Variants in PIK3C3 observed in about 807,000 individuals in gnomAD.
PIK3C3 encodes PI3-kinase type 3.
In PIK3C3, 95 loss-of-function variants were observed where a neutral mutation model predicts 126.1. The observed-to-expected ratio is 0.75, with a 90% CI of 0.64 to 0.89. The LOEUF (loss-of-function observed/expected upper bound fraction) is 0.89, where lower values mean the gene tolerates loss of function less well. Ranked by LOEUF, PIK3C3 falls within the 40% of genes least tolerant of loss-of-function variation. The probability of loss-of-function intolerance (pLI) is 0.00; values close to 1 mark genes in which losing one functional copy is unlikely to be tolerated. For synonymous variants in PIK3C3, 374 were observed against 360.0 expected, an observed-to-expected ratio of 1.04 and a Z score of -0.44; for missense variants, 829 against 1,063.2, an observed-to-expected ratio of 0.78 and a Z score of 3.06.
rs1568106727 is a variant in PIK3C3, at chr18:41,955,265, G to C, written c.-27G>C. 1 of 1,600,420 alleles carries C rather than the reference G, an allele frequency of 6.2e-7. No homozygotes were observed. On this transcript the variant is annotated 5_prime_UTR_variant, in exon 1 of 25. Transcript: ENST00000262039. ...TTTTTCCTGTACCTAAGTTCCCGCT[G>C]TAGGTGGTACCTTTGCAGACGGTGC...
intron 22 of PIK3C3, among the ~76,000 whole-genome samples, chr18:42,060,315 A>C (rs1052151213): frequency 6.6e-6 from 1 of 152,194 alleles, no homozygotes; most frequent in African/African-American, 2.4e-5. Flanking sequence ...ATTTGAACTT[A>C]GTTATAAATG....
chr18:42,027,614 T>C (rs1983630168), intron 14 of PIK3C3, 66 bp downstream of exon 14: 1 of 816,344 alleles, frequency 1.2e-6, no homozygotes, highest in Non-Finnish European at 2.1e-6. Flanking sequence ...GTTGCCTGTT[T>C]AGGAACATCC....
At chr18:42,036,231 C>T (rs1984042643) in intron 16 of PIK3C3, among the ~76,000 whole-genome samples, 1 of 151,978 alleles carries the variant, frequency 6.6e-6, no homozygotes, top group Admixed American at 6.6e-5. Context: ...TGTTTTCCCC[C>T]AGCATTTTAT....
At chr18:42,063,170 ATTTTCCTG>A (rs2144514163) in intron 22 of PIK3C3, among the ~76,000 whole-genome samples, 1 of 151,850 alleles carries the variant, frequency 6.6e-6, no homozygotes, top group African/African-American at 2.4e-5. Flanking sequence ...TCATTTTCCC[ATTTTCCTG>A]TTGTTTTTTT....
chr18:42,004,025 G>A (rs577040207), intron 9 of PIK3C3, among the ~76,000 whole-genome samples: 3 of 152,240 alleles, frequency 2.0e-5, no homozygotes, highest in South Asian at 4.1e-4. Flanking sequence ...CTTAGAGTTC[G>A]TGAGAAATGC....
intron 3 of PIK3C3, among the ~76,000 whole-genome samples, chr18:41,965,104 A>G (rs1447318217): frequency 1.3e-5 from 2 of 152,120 alleles, no homozygotes; most frequent in Non-Finnish European, 1.5e-5. Flanking sequence ...ATTTTTTGTT[A>G]CTAGGGAGGG....
At chr18:42,042,276 C>T (rs1984356489) in intron 19 of PIK3C3, among the ~76,000 whole-genome samples, 1 of 152,156 alleles carries the variant, frequency 6.6e-6, no homozygotes, top group African/African-American at 2.4e-5. Flanking sequence ...ACTGTGTCTT[C>T]ATAGGACAGA....
chr18:41,960,854 G>T (rs980362510), intron 2 of PIK3C3, among the ~76,000 whole-genome samples: 1 of 151,664 alleles, frequency 6.6e-6, no homozygotes, highest in Admixed American at 6.6e-5. Context: ...GCAATCTCCT[G>T]CCTCAGCCTC....
intron 9 of PIK3C3, among the ~76,000 whole-genome samples, chr18:41,997,671 C>A (rs1982092969): frequency 1.3e-5 from 2 of 152,042 alleles, no homozygotes; most frequent in Non-Finnish European, 2.9e-5. Flanking sequence ...ACCAGGAATT[C>A]TTTAAATCCC....
intron 4 of PIK3C3, among the ~76,000 whole-genome samples, chr18:41,987,287 C>G (rs1473978787): frequency 6.6e-6 from 1 of 151,992 alleles, no homozygotes; most frequent in African/African-American, 2.4e-5. Context: ...CTACCAACTG[C>G]TATTCTAGAA....
chr18:42,058,088 A>C, intron 22 of PIK3C3, 37 bp downstream of exon 22: 2 of 1,496,020 alleles, frequency 1.3e-6, no homozygotes, highest in Non-Finnish European at 1.8e-6. Flanking sequence ...ATTTGGGTAA[A>C]TTTATTTTAT....
At chr18:42,017,269 A>C (rs1437652932) in intron 12 of PIK3C3, among the ~76,000 whole-genome samples, 1 of 152,090 alleles carries the variant, frequency 6.6e-6, no homozygotes, top group African/African-American at 2.4e-5. Context: ...TTGACACCTG[A>C]GCAGTATCTT....
Position 42,064,824 on chromosome 18 carries a change from G to GA in PIK3C3, c.2522dup (p.Val842GlyfsTer4). The GA allele has an allele frequency of 6.4e-7, 1 of 1,556,094 alleles. No individual in the cohort carries two copies. The highest frequency in any genetic ancestry group is 8.9e-7 in the Non-Finnish European group (1 of 1,128,414). On this transcript the variant is annotated frameshift_variant, in exon 23 of 25. Transcript: ENST00000262039. LOFTEE classifies it high-confidence loss of function. ...TTGCACTTGAACCAGATAAAACTGTGAAAAAGGTAATTTTTAAGTAACATA... is the reference window on the plus strand; with the variant it reads ...TTGCACTTGAACCAGATAAAACTGTGAAAAAAGGTAATTTTTAAGTAACATA...
chr18:42,037,701 A>C lies in PIK3C3; in HGVS notation c.1849A>C (p.Met617Leu). 6.2e-7 allele frequency: 1 copy of C among 1,609,776 alleles called. No individual in the cohort carries two copies. The highest frequency in any genetic ancestry group is 8.5e-7 in the Non-Finnish European group (1 of 1,177,058). Residue 617 changes from methionine to leucine, a missense_variant, in exon 17 of 25, where the codon ATG becomes CTG. Transcript: ENST00000262039. ...ETATLFKSALMPAQLFFKTED... is the reference protein window; with the variant it reads ...ETATLFKSALLPAQLFFKTED... ...TATTTTTATTTTCCAGAGTGCCCTT[A>C]TGCCTGCACAGTTGTTTTTTAAGAC...
At position 42,078,409 on chromosome 18, in the gene PIK3C3, A is replaced by T. The variant is rs1013390101; in HGVS notation, c.2650-2714A>T. Among the ~76,000 whole-genome samples, 37 of 138,908 alleles carry T rather than the reference A, an allele frequency of 2.7e-4. 1 individual carries two copies. The highest frequency in any genetic ancestry group is 8.6e-4 in the East Asian group (4 of 4,640). The allele number at this position is 138,908 out of a possible 152,430, so 91.1% of individuals were successfully genotyped here. A position where few individuals can be genotyped will look rare whatever the true frequency, so the allele number is the denominator to read the frequency against. On this transcript the variant is annotated intron_variant, in intron 24 of 24. Transcript: ENST00000262039. ...AAAAAAAAAAAAAAAAAAAAAAAAAATTTTCAGTAAACCATATTATAAACA... is the reference window on the plus strand; with the variant it reads ...AAAAAAAAAAAAAAAAAAAAAAAAATTTTTCAGTAAACCATATTATAAACA...
chr18:41,971,560 C>T (rs551826362), intron 4 of PIK3C3: 1 of 151,916 alleles, frequency 6.6e-6, no homozygotes, highest in Admixed American at 6.6e-5. Flanking sequence ...ATTTTGTTTG[C>T]ATTCTGACGT....
At chr18:41,976,874 G>A (rs1221211041) in intron 4 of PIK3C3, among the ~76,000 whole-genome samples, 4 of 152,128 alleles carry the variant, frequency 2.6e-5, no homozygotes, top group African/African-American at 7.2e-5. Flanking sequence ...TTTATTTATG[G>A]TTACATATTT....
At chr18:42,063,529 G>T (rs941032016) in intron 22 of PIK3C3, among the ~76,000 whole-genome samples, 8 of 152,104 alleles carry the variant, frequency 5.3e-5, no homozygotes, top group Non-Finnish European at 1.2e-4. Flanking sequence ...GTTTAAGTGG[G>T]TTAGGGCCTG....
intron 7 of PIK3C3, among the ~76,000 whole-genome samples, chr18:41,994,459 A>G (rs664338): frequency 0.49 from 74,447 of 151,948 alleles, 19,808 homozygotes; most frequent in African/African-American, 0.7. Context: ...TTTGGGTGGG[A>G]CTGAGATGAT....
Sources: allele counts gnomAD v4.1 joint callset (sites outside exome capture counted in the v4.1 genomes callset), GRCh38; gene constraint gnomAD v4.1.1; transcripts MANE v1.5; gene names NCBI Gene and HGNC (gene_info 2026-07-23, HGNC 2026-07-21).